REV1: variants seen among roughly 807,000 people sequenced by gnomAD.
REV1 encodes translesion synthesis protein REV1.
In REV1, 42 loss-of-function variants were observed where a neutral mutation model predicts 137.4. The ratio of observed to expected loss-of-function variants is 0.31; its 90% confidence interval spans 0.24 to 0.40. The LOEUF (loss-of-function observed/expected upper bound fraction) is 0.40, where lower values mean the gene tolerates loss of function less well. Ranked by LOEUF, REV1 falls within the 10% of genes least tolerant of loss-of-function variation. The pLI, the probability that REV1 is intolerant of heterozygous loss-of-function variation, is 1.00. For synonymous variants in REV1, 524 were observed against 519.2 expected (o/e 1.01, Z -0.12); for missense variants, 1,282 against 1,490.1 (o/e 0.86, Z 2.30).
chr2:99,450,027 TTTTTA>T (rs1332262006), intron 3 of REV1, among the ~76,000 whole-genome samples: 4 of 152,152 alleles, frequency 2.6e-5, no homozygotes, highest in Non-Finnish European at 4.4e-5. Flanking sequence ...ATAATTTTTA[TTTTTA>T]TTTAAGAAAA....
chr2:99,410,199 T>TG (rs1676947486), intron 14 of REV1, among the ~76,000 whole-genome samples: 2 of 152,092 alleles, frequency 1.3e-5, no homozygotes, highest in Admixed American at 1.3e-4. Context: ...TTAGTGGAAA[T>TG]GGAGTTTCAC....
At chr2:99,422,954 A>G (rs1678875714) in intron 10 of REV1, among the ~76,000 whole-genome samples, 1 of 152,198 alleles carries the variant, frequency 6.6e-6, no homozygotes, top group African/African-American at 2.4e-5. Context: ...TTCAAAGAGG[A>G]TTTAAAGCAC....
At chr2:99,463,122 A>G (rs566788304) in intron 2 of REV1, among the ~76,000 whole-genome samples, 1 of 152,096 alleles carries the variant, frequency 6.6e-6, no homozygotes, top group East Asian at 1.9e-4. Flanking sequence ...ATAAATACAT[A>G]AAACACATAG....
At chr2:99,460,939 ATC>A in intron 3 of REV1, among the ~76,000 whole-genome samples, 1 of 152,290 alleles carries the variant, frequency 6.6e-6, no homozygotes, top group Admixed American at 6.5e-5. Context: ...CACACAAAGA[ATC>A]TCTTTTTCTT....
At chr2:99,423,302 G>A (rs899468510) in intron 10 of REV1, among the ~76,000 whole-genome samples, 4 of 152,206 alleles carry the variant, frequency 2.6e-5, no homozygotes, top group East Asian at 1.9e-4. Context: ...ACAGAGGCAA[G>A]AAGTCTATCT....
chr2:99,445,953 G>A (rs1312865452), intron 4 of REV1, among the ~76,000 whole-genome samples: 1 of 152,126 alleles, frequency 6.6e-6, no homozygotes, highest in African/African-American at 2.4e-5. Flanking sequence ...AGTATGTAAC[G>A]TTTATTAAAT....
At chr2:99,427,960 T>C (rs1216940899) in intron 9 of REV1, among the ~76,000 whole-genome samples, 1 of 152,120 alleles carries the variant, frequency 6.6e-6, no homozygotes, top group East Asian at 1.9e-4. Context: ...TGGGTAAATA[T>C]AAATGCACCA....
At chr2:99,472,575 C>G (rs1685537488) in intron 1 of REV1, among the ~76,000 whole-genome samples, 1 of 152,182 alleles carries the variant, frequency 6.6e-6, no homozygotes, top group South Asian at 2.1e-4. Flanking sequence ...AGTTCTGAAG[C>G]TGGAAACACT....
chr2:99,458,039 C>A (rs2105059170), intron 3 of REV1, among the ~76,000 whole-genome samples: 1 of 152,198 alleles, frequency 6.6e-6, no homozygotes, highest in East Asian at 1.9e-4. Flanking sequence ...TGGGATCTAG[C>A]ACCAAAGTGA....
At chr2:99,483,277 C>T (rs1443636407) in intron 1 of REV1, among the ~76,000 whole-genome samples, 1 of 152,114 alleles carries the variant, frequency 6.6e-6, no homozygotes, top group Non-Finnish European at 1.5e-5. Flanking sequence ...GATAAAAATG[C>T]ATTAAGTCCA....
chr2:99,448,722 T>C (rs531364170), intron 4 of REV1, among the ~76,000 whole-genome samples: 45 of 152,320 alleles, frequency 3.0e-4, no homozygotes, highest in African/African-American at 9.9e-4. Context: ...TCATTGTTAT[T>C]TCCCAAGAAC....
chr2:99,451,318 C>T, intron 3 of REV1: 1 of 1,178,230 alleles, frequency 8.5e-7, no homozygotes, highest in Non-Finnish European at 1.1e-6. Context: ...CATTAACTTT[C>T]CATATACATA....
intron 7 of REV1, 135 bp downstream of exon 7, chr2:99,435,699 C>T (rs1422896827): frequency 1.8e-5 from 10 of 544,648 alleles, no homozygotes; most frequent in African/African-American, 4.0e-5. Flanking sequence ...CCCTGATAAT[C>T]GAATATAGAA....
In REV1 at chr2:99,489,141, G is replaced by A. The variant is rs190153464; in HGVS notation, c.-11+676C>T. Among the ~76,000 whole-genome samples the A allele has an allele frequency of 5.6e-4, 86 of 152,300 alleles. 1 individual carries two copies. Among genetic ancestry groups the A allele is most frequent in the Admixed American group, 5.5e-3 (84 of 15,300 alleles). On this transcript the variant is annotated intron_variant, in intron 1 of 22. Coordinates refer to ENST00000258428, the MANE Select transcript of REV1 (RefSeq NM_016316.4). Reference sequence around the variant, plus strand: ...CGTCACTGTAACAGTACAGAAGTGGGCAAGGGGCTCTCGGAAGGACAGTTG... The same window carrying A: ...CGTCACTGTAACAGTACAGAAGTGGACAAGGGGCTCTCGGAAGGACAGTTG...
chr2:99,454,550 C>CAAAAAAAAA (rs373850478), intron 3 of REV1, among the ~76,000 whole-genome samples: 54 of 82,358 alleles, frequency 6.6e-4, no homozygotes, highest in African/African-American at 1.2e-3. Flanking sequence ...AACTCCAGCT[C>CAAAAAAAAA]AAAAAAAAAA....
At chr2:99,450,358 CTCT>C (rs1475178822) in intron 3 of REV1, among the ~76,000 whole-genome samples, 5 of 152,166 alleles carry the variant, frequency 3.3e-5, no homozygotes, top group African/African-American at 1.2e-4. Context: ...CATCACTGTT[CTCT>C]TTCTTTCACC....
In REV1 at chr2:99,438,746, T is replaced by A; in HGVS notation, c.1068A>T (p.Ser356=). Residue 356 remains serine, a synonymous_variant, in exon 6 of 23, where the codon TCA becomes TCT. Transcript: ENST00000258428. ...CNFISNFYSH[S]RLHHISMWKC... is the part of the protein sequence containing the mutation. ...TCCACATTGATATGTGATGCAGTCT[T>A]GAATGAGAATAGAAGTTTGAAATAA... The A allele has an allele frequency of 6.2e-7, 1 of 1,614,170 alleles. No homozygotes were observed.
At chr2:99,479,990 G>A (rs1265548918) in intron 1 of REV1, among the ~76,000 whole-genome samples, 1 of 152,066 alleles carries the variant, frequency 6.6e-6, no homozygotes, top group African/African-American at 2.4e-5. Flanking sequence ...GTGACATGAA[G>A]GCAAAGATTT....
intron 4 of REV1, among the ~76,000 whole-genome samples, chr2:99,448,451 C>T (rs1175068162): frequency 6.6e-6 from 1 of 152,126 alleles, no homozygotes; most frequent in African/African-American, 2.4e-5. Flanking sequence ...ATGAATGTCA[C>T]CACTGATTTA....
Sources: allele counts gnomAD v4.1 joint callset (sites outside exome capture counted in the v4.1 genomes callset), GRCh38; gene constraint gnomAD v4.1.1; transcripts MANE v1.5; gene names NCBI Gene and HGNC (gene_info 2026-07-23, HGNC 2026-07-21).